Variants in BBS4 observed in about 807,000 individuals in gnomAD.
BBS4 encodes BBSome complex member BBS4.
Under a neutral mutation model 71.4 loss-of-function variants are expected in BBS4, and 58 were observed. The observed-to-expected ratio is 0.81, with a 90% CI of 0.66 to 1.01. The LOEUF (loss-of-function observed/expected upper bound fraction) is 1.01. Ranked by LOEUF, BBS4 falls within the 50% of genes least tolerant of loss-of-function variation. The probability of loss-of-function intolerance (pLI) is 0.00; values close to 1 mark genes in which losing one functional copy is unlikely to be tolerated. For synonymous variants in BBS4, 228 were observed against 216.8 expected (o/e 1.05, Z -0.46); for missense variants, 660 against 607.9 (o/e 1.09, Z -0.90).
chr15:72,732,394 C>T (rs2065842330), intron 12 of BBS4, among the ~76,000 whole-genome samples: 1 of 152,122 alleles, frequency 6.6e-6, no homozygotes, highest in Non-Finnish European at 1.5e-5. Flanking sequence ...TAAAATTAAT[C>T]AAACACTTTA....
intron 6 of BBS4, among the ~76,000 whole-genome samples, chr15:72,719,290 G>A (rs916319141): frequency 4.1e-5 from 6 of 147,608 alleles, no homozygotes; most frequent in African/African-American, 1.5e-4. Flanking sequence ...TAAGAGACAA[G>A]GTTGCCTAGG....
chr15:72,691,667 A>G (rs769371752), intron 1 of BBS4, among the ~76,000 whole-genome samples: 1 of 152,144 alleles, frequency 6.6e-6, no homozygotes, highest in Non-Finnish European at 1.5e-5. Context: ...GTTTTTAGTT[A>G]TTAAAAACAA....
At chr15:72,720,312 A>C (rs2065545657) in intron 6 of BBS4, among the ~76,000 whole-genome samples, 1 of 151,484 alleles carries the variant, frequency 6.6e-6, no homozygotes, top group South Asian at 2.1e-4. Context: ...ATAGAGACCC[A>C]GTTTCTAGGA....
intron 2 of BBS4, among the ~76,000 whole-genome samples, chr15:72,706,070 G>GGACT: frequency 6.6e-6 from 1 of 152,204 alleles, no homozygotes; most frequent in Admixed American, 6.5e-5. Flanking sequence ...AGGTGACAGA[G>GGACT]GACTGGGTCA....
chr15:72,686,603 C>T (rs927263769), intron 1 of BBS4: 3 of 1,341,566 alleles, frequency 2.2e-6, no homozygotes, highest in South Asian at 2.5e-5. Context: ...CCTGTTAATC[C>T]CGTGAATTGG....
At chr15:72,686,430 C>G in intron 1 of BBS4, 179 bp downstream of exon 1, 1 of 1,533,914 alleles carries the variant, frequency 6.5e-7, no homozygotes, top group Non-Finnish European at 8.7e-7. Context: ...TGGGGCAAGT[C>G]TGGATACTTA....
At chr15:72,728,308 G>GGT (rs1367182135) in intron 9 of BBS4, among the ~76,000 whole-genome samples, 1 of 152,006 alleles carries the variant, frequency 6.6e-6, no homozygotes, top group Admixed American at 6.6e-5. Flanking sequence ...GACCAGCCTG[G>GGT]GTAACATAGT....
chr15:72,716,767 A>G lies in BBS4; in HGVS notation c.333-11A>G. 1 of 1,587,984 alleles carries G rather than the reference A, an allele frequency of 6.3e-7. No individual in the cohort carries two copies. Among genetic ancestry groups the G allele is most frequent in the South Asian group, 1.1e-5 (1 of 89,638 alleles). On this transcript the variant is annotated splice_polypyrimidine_tract_variant and intron_variant, in intron 5 of 15. Coordinates refer to ENST00000268057, the MANE Select transcript of BBS4 (RefSeq NM_033028.5). ...TTGAGGTAATAATTATGGAAAATAT[A>G]TCTTTTACAGATTTCTTTTGGGAAA...
intron 2 of BBS4, 94 bp downstream of exon 2, chr15:72,695,322 C>T: frequency 1.1e-6 from 1 of 871,888 alleles, no homozygotes; most frequent in Admixed American, 2.5e-5. Context: ...CAGAGTCTCA[C>T]TGTCACCCAG....
chr15:72,731,798 G>A (rs1320376195), intron 12 of BBS4, 72 bp downstream of exon 12: 22 of 1,574,630 alleles, frequency 1.4e-5, no homozygotes, highest in Non-Finnish European at 1.8e-5. Context: ...AATCATAGAA[G>A]ATCAGTGGCT....
intron 2 of BBS4, among the ~76,000 whole-genome samples, chr15:72,708,975 A>G (rs558805467): frequency 3.5e-4 from 54 of 152,318 alleles, no homozygotes; most frequent in African/African-American, 1.3e-3. Context: ...GACTCTTATC[A>G]GTAATTTTGC....
intron 6 of BBS4, 189 bp downstream of exon 6, chr15:72,717,039 C>A: frequency 1.7e-6 from 1 of 599,930 alleles, no homozygotes; most frequent in South Asian, 2.0e-5. Context: ...GGCATTGCTG[C>A]ATGATTTTCT....
At chr15:72,706,189 T>G (rs534178185) in intron 2 of BBS4, among the ~76,000 whole-genome samples, 1 of 152,172 alleles carries the variant, frequency 6.6e-6, no homozygotes, top group African/African-American at 2.4e-5. Flanking sequence ...CAGGCTGGAG[T>G]GCAGTGGTGT....
intron 1 of BBS4, among the ~76,000 whole-genome samples, chr15:72,688,152 T>TCATCA (rs1481295917): frequency 6.6e-6 from 1 of 151,632 alleles, no homozygotes; most frequent in East Asian, 1.9e-4. Flanking sequence ...CCTCTAGTGC[T>TCATCA]CATCACAAGT....
chr15:72,689,972 A>G (rs910868426), intron 1 of BBS4, among the ~76,000 whole-genome samples: 4 of 151,882 alleles, frequency 2.6e-5, no homozygotes, highest in Non-Finnish European at 2.9e-5. Flanking sequence ...CACCACGCCC[A>G]GCTAATTTTT....
chr15:72,715,102 C>G (rs2065444173), intron 4 of BBS4, among the ~76,000 whole-genome samples, 189 bp from the exon 5 acceptor site: 1 of 152,160 alleles, frequency 6.6e-6, no homozygotes, highest in Admixed American at 6.5e-5. Context: ...GACAGTTGAG[C>G]TTGTCAGCAG....
In BBS4 at chr15:72,686,214, T is replaced by C. The variant is rs146238636; in HGVS notation, c.-14T>C. 3.5e-5 allele frequency: 55 copies of C among 1,559,340 alleles called. No homozygotes were observed. In the South Asian group the frequency reaches 3.5e-4, roughly 10 times the overall value. On this transcript the variant is annotated 5_prime_UTR_variant, in exon 1 of 16. Coordinates refer to ENST00000268057, the MANE Select transcript of BBS4 (RefSeq NM_033028.5). ...CCGCCGACTTCCGGCCGCGCAGCGG[T>C]GGGCTGAGCTAAAATGGCTGAGGAG...
chr15:72,721,231 TATC>T (rs1846106761), intron 6 of BBS4, among the ~76,000 whole-genome samples: 2 of 152,238 alleles, frequency 1.3e-5, no homozygotes, highest in Non-Finnish European at 2.9e-5. Flanking sequence ...GAATATCTAA[TATC>T]AAGCAGTCAC....
intron 10 of BBS4, 110 bp downstream of exon 10, chr15:72,729,794 GAAATAGAAA>G: frequency 1.1e-6 from 1 of 885,184 alleles, no homozygotes; most frequent in Non-Finnish European, 1.8e-6. Context: ...GGATACCTGA[GAAATAGAAA>G]AAATATAAAT....
Sources: allele counts gnomAD v4.1 joint callset (sites outside exome capture counted in the v4.1 genomes callset), GRCh38; gene constraint gnomAD v4.1.1; transcripts MANE v1.5; gene names NCBI Gene and HGNC (gene_info 2026-07-23, HGNC 2026-07-21).